The following ETFA variants were observed in gnomAD, a reference collection of about 807,000 sequenced individuals.
ETFA encodes electron transfer flavoprotein subunit alpha, mitochondrial.
ETFA carries 22 observed loss-of-function variants against 46.2 expected under a neutral mutation model. The ratio of observed to expected loss-of-function variants is 0.48; its 90% CI spans 0.34 to 0.68. The LOEUF (loss-of-function observed/expected upper bound fraction) is 0.68. Ranked by LOEUF, ETFA falls within the 30% of genes least tolerant of loss-of-function variation. The probability of loss-of-function intolerance (pLI) is 0.01; values close to 1 mark genes in which losing one functional copy is unlikely to be tolerated. For missense variants in ETFA, 345 were observed against 401.1 expected, an observed-to-expected ratio of 0.86 and a Z score of 1.19; for synonymous variants, 131 against 139.9, an observed-to-expected ratio of 0.94 and a Z score of 0.45.
At chr15:76,217,708 A>T (rs1257102318) in intron 11 of ETFA, 1 of 431,366 alleles carries the variant, frequency 2.3e-6, no homozygotes, top group Non-Finnish European at 4.7e-6. Context: ...ATACTCTGAA[A>T]ACTGGTCCAG....
intron 8 of ETFA, among the ~76,000 whole-genome samples, chr15:76,281,897 CTTTTTT>C (rs34309169): frequency 1.0e-4 from 8 of 78,100 alleles, no homozygotes; most frequent in Admixed American, 3.9e-4. Context: ...TACACGTATC[CTTTTTT>C]TTTTTTTTTT....
chr15:76,298,249 G>A (rs2039846528), intron 1 of ETFA, among the ~76,000 whole-genome samples: 1 of 152,052 alleles, frequency 6.6e-6, no homozygotes, highest in Non-Finnish European at 1.5e-5. Flanking sequence ...TCACCATGTT[G>A]GCCAGGCTGG....
intron 11 of ETFA, among the ~76,000 whole-genome samples, chr15:76,217,159 C>T (rs1231073600): frequency 6.6e-6 from 1 of 152,156 alleles, no homozygotes; most frequent in African/African-American, 2.4e-5. Flanking sequence ...TTCAAGAAGG[C>T]ACCCTAGAAA....
At chr15:76,281,776 C>T (rs1053328728) in intron 8 of ETFA, among the ~76,000 whole-genome samples, 11 of 151,986 alleles carry the variant, frequency 7.2e-5, no homozygotes, top group African/African-American at 2.7e-4. Context: ...ATATTCACAT[C>T]CTAATACCCA....
intron 9 of ETFA, among the ~76,000 whole-genome samples, chr15:76,265,837 C>G (rs1275487489): frequency 6.6e-6 from 1 of 152,072 alleles, no homozygotes; most frequent in Non-Finnish European, 1.5e-5. Context: ...ACAAAAATGG[C>G]CAATCAGAAC....
At chr15:76,305,862 GT>G (rs58091811) in intron 1 of ETFA, among the ~76,000 whole-genome samples, 2,670 of 143,726 alleles carry the variant, frequency 0.019, 128 homozygotes, top group Admixed American at 0.11. Context: ...CTCAATAGTT[GT>G]TTTTTTTTTT....
At chr15:76,261,477 G>A (rs2039412552) in intron 9 of ETFA, 1 of 866,580 alleles carries the variant, frequency 1.2e-6, no homozygotes, top group Non-Finnish European at 1.8e-6. Flanking sequence ...CCCACTGGAT[G>A]TCAGGCTCCT....
At chr15:76,243,588 C>A (rs1332751311) in intron 9 of ETFA, among the ~76,000 whole-genome samples, 4 of 151,964 alleles carry the variant, frequency 2.6e-5, no homozygotes, top group Admixed American at 2.6e-4. Context: ...ACAACGAGGT[C>A]AGGAGTTTGA....
intron 2 of ETFA, among the ~76,000 whole-genome samples, chr15:76,294,418 T>TG (rs1487325338): frequency 6.6e-6 from 1 of 152,214 alleles, no homozygotes; most frequent in Non-Finnish European, 1.5e-5. Flanking sequence ...TAGCAGGAAT[T>TG]GGGTAAAGAA....
intron 11 of ETFA, among the ~76,000 whole-genome samples, chr15:76,224,452 C>T (rs1434367087): frequency 2.6e-5 from 4 of 152,222 alleles, no homozygotes; most frequent in Admixed American, 1.3e-4. Context: ...CCATCCTAGT[C>T]TTTGCATGCA....
chr15:76,229,913 A>C (rs540874145), intron 10 of ETFA: 2 of 152,162 alleles, frequency 1.3e-5, no homozygotes, highest in Non-Finnish European at 2.9e-5. Context: ...GCATGAATTA[A>C]TGTGTCATAT....
intron 8 of ETFA, among the ~76,000 whole-genome samples, chr15:76,277,374 C>G (rs758719169): frequency 2.6e-5 from 4 of 152,154 alleles, no homozygotes; most frequent in Non-Finnish European, 5.9e-5. Context: ...CCTTTCCCGT[C>G]CCCTTGTCGG....
At chr15:76,283,850 A>T in intron 7 of ETFA, 25 bp from the exon 8 acceptor site, 1 of 1,554,860 alleles carries the variant, frequency 6.4e-7, no homozygotes, top group Non-Finnish European at 8.9e-7. Context: ...TGAAAAAAAA[A>T]AATTAGGCAA....
intron 9 of ETFA, among the ~76,000 whole-genome samples, chr15:76,249,673 C>G (rs367937358): frequency 6.8e-6 from 1 of 147,964 alleles, no homozygotes; most frequent in Non-Finnish European, 1.5e-5. Context: ...AATCTCCTGA[C>G]CTTGTGATCC....
intron 7 of ETFA, 46 bp downstream of exon 7, chr15:76,285,591 C>T (rs1382896197): frequency 3.9e-6 from 4 of 1,038,906 alleles, no homozygotes; most frequent in Non-Finnish European, 6.0e-6. Flanking sequence ...AAAAAAAAAT[C>T]AAAGTATTTT....
rs3215000 is a variant in ETFA, at chr15:76,292,345, T to TA, written c.351+85dup. ...TTCAGATAAATCCAGATTGGCTACATAAACAGTCTGTTGCATACTTTCAGC... is the reference window on the plus strand; with the variant it reads ...TTCAGATAAATCCAGATTGGCTACATAAAACAGTCTGTTGCATACTTTCAGC... On this transcript the variant is annotated intron_variant, in intron 4 of 11. Coordinates refer to ENST00000557943, the MANE Select transcript of ETFA (RefSeq NM_000126.4). 0.49 allele frequency: 455,796 copies of TA among 930,078 alleles called. 116,608 individuals carry two copies. The highest frequency in any genetic ancestry group is 0.54 in the Non-Finnish European group (301,218 of 556,104). 57.6% of individuals were successfully genotyped at this position (930,078 alleles called of 1,614,324 possible).
intron 11 of ETFA, among the ~76,000 whole-genome samples, chr15:76,222,326 A>C (rs1418542326): frequency 1.3e-5 from 2 of 149,760 alleles, no homozygotes; most frequent in Non-Finnish European, 3.0e-5. Context: ...CAAATATTGT[A>C]TTTTTTATTT....
At chr15:76,309,856 T>C (rs2039973243) in intron 1 of ETFA, 1 of 152,068 alleles carries the variant, frequency 6.6e-6, no homozygotes, top group South Asian at 2.1e-4. Flanking sequence ...GACAGGACAC[T>C]AACCTGAAAG....
intron 8 of ETFA, among the ~76,000 whole-genome samples, chr15:76,275,594 T>A (rs1419847241): frequency 1.3e-5 from 2 of 152,234 alleles, no homozygotes; most frequent in African/African-American, 4.8e-5. Context: ...ACTACTGATG[T>A]TGAAAGTAAT....
Sources: allele counts gnomAD v4.1 joint callset (sites outside exome capture counted in the v4.1 genomes callset), GRCh38; gene constraint gnomAD v4.1.1; transcripts MANE v1.5; gene names NCBI Gene and HGNC (gene_info 2026-07-23, HGNC 2026-07-21).